LRIG1: variants seen among roughly 807,000 people sequenced by gnomAD.
LRIG1 encodes leucine rich repeats and immunoglobulin like domains 1.
LRIG1 carries 48 observed loss-of-function variants against 99.2 expected under a neutral mutation model. The observed-to-expected ratio is 0.48, with a 90% CI of 0.38 to 0.62. LRIG1 has a LOEUF of 0.62. Among genes scored for constraint, LRIG1 ranks in the 20% least tolerant of loss-of-function variants. LRIG1 has a pLI of 0.00. For missense variants in LRIG1, 1,646 were observed against 1,434.4 expected, an observed-to-expected ratio of 1.15 and a Z score of -2.38; for synonymous variants, 772 against 596.1, an observed-to-expected ratio of 1.29 and a Z score of -4.30.
At chr3:66,443,738 G>A (rs987410073) in intron 3 of LRIG1, among the ~76,000 whole-genome samples, 12 of 152,198 alleles carry the variant, frequency 7.9e-5, no homozygotes, top group Non-Finnish European at 1.3e-4. Context: ...GTTTGCTCAC[G>A]AAAGGCCTTG....
chr3:66,409,971 G>A (rs964449320), intron 7 of LRIG1, 158 bp downstream of exon 7: 9 of 655,874 alleles, frequency 1.4e-5, no homozygotes, highest in Non-Finnish European at 2.3e-5. Flanking sequence ...AATCGCTGAG[G>A]GTTCCACCCT....
In LRIG1 at chr3:66,383,398, G is replaced by T. The variant is rs750901517; in HGVS notation, c.2075C>A (p.Thr692Asn). 1 of 1,552,120 alleles carries T rather than the reference G, an allele frequency of 6.4e-7. No individual in the cohort carries two copies. The highest frequency in any genetic ancestry group is 1.2e-5 in the South Asian group (1 of 81,176). The stretch of plus-strand genomic sequence containing the variant: ...TTCCAAGGGGACCACCAAGGATGGG[G>T]TCTCTACAAGAGAGCAACAGAGATC... ...SANATLTVLE[T>N]PSLVVPLEDR... Residue 692 changes from threonine (T) to asparagine (N), a missense_variant, in exon 15 of 19, where the codon ACC becomes AAC. Coordinates refer to ENST00000273261, the MANE Select transcript of LRIG1 (RefSeq NM_015541.3).
chr3:66,484,328 C>T (rs1332988807), intron 1 of LRIG1, among the ~76,000 whole-genome samples: 1 of 152,172 alleles, frequency 6.6e-6, no homozygotes, highest in African/African-American at 2.4e-5. Context: ...ACACTAGATT[C>T]TGGGAATACA....
chr3:66,395,943 C>T (rs776495709), intron 11 of LRIG1, among the ~76,000 whole-genome samples: 16 of 152,254 alleles, frequency 1.1e-4, no homozygotes, highest in Non-Finnish European at 1.8e-4. Flanking sequence ...GAAGGCTGGG[C>T]CATCCCTGTG....
chr3:66,478,663 T>C (rs1297021349), intron 1 of LRIG1, among the ~76,000 whole-genome samples: 1 of 152,120 alleles, frequency 6.6e-6, no homozygotes, highest in Non-Finnish European at 1.5e-5. Flanking sequence ...ATTATCTCAC[T>C]TGTCTATAGG....
At chr3:66,475,145 T>C (rs1250861196) in intron 1 of LRIG1, among the ~76,000 whole-genome samples, 2 of 152,200 alleles carry the variant, frequency 1.3e-5, no homozygotes, top group African/African-American at 2.4e-5. Context: ...GCCTAACACT[T>C]GCTATATAAC....
chr3:66,382,314 G>A lies in LRIG1; in HGVS notation c.2576C>T (p.Thr859Ile), dbSNP rs779971005. ...CCCATTGGCCTGAGGGCCACCCTCGGTCCTGACCACGGTTTCTTGTCGGTC... is the reference window on the plus strand; with the variant it reads ...CCCATTGGCCTGAGGGCCACCCTCGATCCTGACCACGGTTTCTTGTCGGTC... ...LSDRQETVVRTEGGPQANGHI... is the reference protein window; with the variant it reads ...LSDRQETVVRIEGGPQANGHI... Residue 859 changes from threonine to isoleucine, a missense_variant, in exon 16 of 19, where the codon ACC (threonine) becomes ATC (isoleucine). Physicochemically the swap from Thr to Ile is moderately conservative, Grantham distance 89. Transcript: ENST00000273261. The A allele has an allele frequency of 2.5e-6, 4 of 1,614,082 alleles. No individual in the cohort carries two copies. The highest frequency in any genetic ancestry group is 2.7e-5 in the African/African-American group (2 of 74,930).
In LRIG1 at chr3:66,407,327, T is replaced by C. The variant is rs779575462; in HGVS notation, c.1079+21A>G. 6 of 1,613,792 alleles carry C rather than the reference T, an allele frequency of 3.7e-6. No individual in the cohort carries two copies. In the African/African-American group the frequency reaches 6.7e-5, roughly 18 times the overall value. On this transcript the variant is annotated intron_variant, in intron 8 of 18. Coordinates refer to ENST00000273261, the MANE Select transcript of LRIG1 (RefSeq NM_015541.3). ...CTCCCCACTGGGGACCCCTTTATCC[T>C]GTCAGTAGTGGGAGACGTACAAGAC...
chr3:66,456,111 T>A (rs17044628), intron 2 of LRIG1, among the ~76,000 whole-genome samples: 1 of 152,184 alleles, frequency 6.6e-6, no homozygotes, highest in African/African-American at 2.4e-5. Context: ...TCAACTCCAA[T>A]TGCACCCTTT....
chr3:66,447,394 AAT>A (rs2106796113), intron 3 of LRIG1, among the ~76,000 whole-genome samples: 1 of 152,344 alleles, frequency 6.6e-6, no homozygotes, highest in African/African-American at 2.4e-5. Flanking sequence ...CATTAAAAAA[AAT>A]AGTTTTCAAA....
At chr3:66,454,463 T>C (rs537790035) in intron 2 of LRIG1, among the ~76,000 whole-genome samples, 2 of 152,284 alleles carry the variant, frequency 1.3e-5, no homozygotes, top group African/African-American at 4.8e-5. Flanking sequence ...TGAAATTTTT[T>C]TAAATATCTA....
At chr3:66,387,487 G>A (rs1701433305) in intron 12 of LRIG1, 1 of 152,090 alleles carries the variant, frequency 6.6e-6, no homozygotes, top group African/African-American at 2.4e-5. Context: ...AACTAAACAA[G>A]CAGGGACTTA....
chr3:66,454,424 A>C (rs1177370277), intron 2 of LRIG1, among the ~76,000 whole-genome samples: 1 of 152,184 alleles, frequency 6.6e-6, no homozygotes, highest in South Asian at 2.1e-4. Flanking sequence ...ATGAATAAAG[A>C]AATTTTAGGA....
chr3:66,418,699 G>A lies in LRIG1; in HGVS notation c.366-1433C>T, dbSNP rs572290249. Among the ~76,000 whole-genome samples, 139 of 152,302 alleles carry A rather than the reference G, an allele frequency of 9.1e-4. 3 individuals carry two copies. The highest frequency in any genetic ancestry group is 8.4e-3 in the Admixed American group (129 of 15,304). Reference sequence around the variant, plus strand: ...TGAACACAACACAAGTAAGCCAGGCGTCGCTTACCAAGTGGCATCTCCTTT... The same window carrying A: ...TGAACACAACACAAGTAAGCCAGGCATCGCTTACCAAGTGGCATCTCCTTT... On this transcript the variant is annotated intron_variant, in intron 3 of 18. Coordinates refer to ENST00000273261, the MANE Select transcript of LRIG1 (RefSeq NM_015541.3).
At chr3:66,497,242 AT>A (rs965301660) in intron 1 of LRIG1, among the ~76,000 whole-genome samples, 1 of 152,230 alleles carries the variant, frequency 6.6e-6, no homozygotes, top group African/African-American at 2.4e-5. Flanking sequence ...CTCTCAGGAC[AT>A]TTAAACTAGC....
chr3:66,473,831 T>C (rs1700656723), intron 1 of LRIG1, among the ~76,000 whole-genome samples: 2 of 152,254 alleles, frequency 1.3e-5, no homozygotes, highest in Non-Finnish European at 2.9e-5. Context: ...AGCTAGCTTA[T>C]CGACTTGGGA....
chr3:66,380,798 T>C lies in LRIG1; in HGVS notation c.2834A>G (p.Gln945Arg). 1.2e-6 allele frequency: 2 copies of C among 1,614,216 alleles called. No homozygotes were observed. The highest frequency in any genetic ancestry group is 1.7e-6 in the Non-Finnish European group (2 of 1,180,038). The change falls in exon 18 of 19, where the codon CAA becomes CGA. Residue 945 changes from glutamine (Q) to arginine (R), a missense_variant. Physicochemically the swap from Gln to Arg is conservative, Grantham distance 43. Transcript: ENST00000273261. ...GGACACAGGCTGGGGGTGGAAGGCT[T>C]GTCCCCTGGAGTAACAGTCCACTTC... ...NTEVDCYSRGQAFHPQPVSRD... is the reference protein window; with the variant it reads ...NTEVDCYSRGRAFHPQPVSRD...
intron 1 of LRIG1, among the ~76,000 whole-genome samples, chr3:66,473,054 GTTGTT>G (rs910973229): frequency 6.6e-6 from 1 of 152,088 alleles, no homozygotes; most frequent in African/African-American, 2.4e-5. Context: ...AGGGGTTTTT[GTTGTT>G]TTTTAAAGAG....
At chr3:66,468,778 G>A (rs1051984305) in intron 1 of LRIG1, among the ~76,000 whole-genome samples, 7 of 152,134 alleles carry the variant, frequency 4.6e-5, no homozygotes, top group Non-Finnish European at 1.0e-4. Flanking sequence ...ATTTCAGCGG[G>A]TGCAAATAAG....
Sources: gnomAD v4.1 joint callset for allele counts (sites outside exome capture counted in the v4.1 genomes callset) on GRCh38, gnomAD v4.1.1 for gene constraint, MANE v1.5 for transcripts, NCBI Gene and HGNC (gene_info 2026-07-23, HGNC 2026-07-21) for gene names.